The following PPARGC1A variants were observed in gnomAD, a reference collection of about 807,000 sequenced individuals.
The protein encoded by PPARGC1A is PPARG coactivator 1 alpha.
In PPARGC1A, 25 loss-of-function variants were observed where a neutral mutation model predicts 88.7. The ratio of observed to expected loss-of-function variants is 0.28; its 90% CI spans 0.21 to 0.39. The LOEUF (loss-of-function observed/expected upper bound fraction) is 0.39. Ranked by LOEUF, PPARGC1A falls within the 10% of genes least tolerant of loss-of-function variation. The pLI is 1.00. For missense variants in PPARGC1A, 880 were observed against 968.7 expected, an observed-to-expected ratio of 0.91 and a Z score of 1.22; for synonymous variants, 363 against 355.6, an observed-to-expected ratio of 1.02 and a Z score of -0.24.
At chr4:24,046,303 A>G in the PPARGC1A span, among the ~76,000 whole-genome samples, 1 of 152,134 alleles carries the variant, frequency 6.6e-6, no homozygotes, top group Non-Finnish European at 1.5e-5. Flanking sequence ...CTCTTAGGAA[A>G]TAATAGTCAG....
chr4:24,140,441 G>A, the PPARGC1A span, among the ~76,000 whole-genome samples: 3 of 152,074 alleles, frequency 2.0e-5, no homozygotes, highest in South Asian at 2.1e-4. Context: ...TTTTGTGACC[G>A]GGTCATTGGA....
At chr4:24,149,366 T>TA in the PPARGC1A span, among the ~76,000 whole-genome samples, 1 of 152,070 alleles carries the variant, frequency 6.6e-6, no homozygotes, top group Non-Finnish European at 1.5e-5. Flanking sequence ...TGGGAAATTT[T>TA]AAAAAGATTT....
At chr4:24,150,966 G>A in the PPARGC1A span, among the ~76,000 whole-genome samples, 1 of 152,116 alleles carries the variant, frequency 6.6e-6, no homozygotes, top group African/African-American at 2.4e-5. Flanking sequence ...TGCCTATGCT[G>A]TTCCAATTGC....
chr4:23,994,277 C>T, the PPARGC1A span, among the ~76,000 whole-genome samples: 1 of 152,106 alleles, frequency 6.6e-6, no homozygotes, highest in African/African-American at 2.4e-5. Context: ...TGTTCTGAAG[C>T]TCTAGGAGCC....
chr4:24,339,214 A>C, the PPARGC1A span, among the ~76,000 whole-genome samples: 2 of 44,782 alleles, frequency 4.5e-5, no homozygotes, highest in African/African-American at 1.2e-4. Flanking sequence ...GTGTGTGTGT[A>C]TATATATATA....
chr4:24,231,572 C>T, the PPARGC1A span, among the ~76,000 whole-genome samples: 1 of 152,126 alleles, frequency 6.6e-6, no homozygotes. Context: ...CAAAGGTTTC[C>T]GGAAGGGCAA....
At chr4:24,311,564 C>T in the PPARGC1A span, among the ~76,000 whole-genome samples, 2 of 151,746 alleles carry the variant, frequency 1.3e-5, no homozygotes, top group African/African-American at 4.8e-5. Context: ...GGCTTGGACC[C>T]GGGAGACAGA....
the PPARGC1A span, among the ~76,000 whole-genome samples, chr4:24,455,368 A>C: frequency 1.3e-5 from 2 of 152,198 alleles, no homozygotes; most frequent in African/African-American, 4.8e-5. Context: ...GCAGTCCTAG[A>C]TATTCGAGAG....
At chr4:23,911,133 T>C in the PPARGC1A span, among the ~76,000 whole-genome samples, 1 of 152,072 alleles carries the variant, frequency 6.6e-6, no homozygotes, top group Admixed American at 6.5e-5. Context: ...CTACAGGACA[T>C]AGTGAAATGC....
At chr4:24,177,161 T>G in the PPARGC1A span, among the ~76,000 whole-genome samples, 35 of 152,266 alleles carry the variant, frequency 2.3e-4, no homozygotes, top group Non-Finnish European at 4.4e-5. Flanking sequence ...TAAAGACACA[T>G]GCACACATAT....
chr4:24,444,771 A>G, the PPARGC1A span, among the ~76,000 whole-genome samples: 1 of 152,142 alleles, frequency 6.6e-6, no homozygotes, highest in Non-Finnish European at 1.5e-5. Context: ...AAGAACAAAG[A>G]GACAAAAGCC....
the PPARGC1A span, among the ~76,000 whole-genome samples, chr4:24,443,856 C>T: frequency 2.0e-5 from 3 of 151,806 alleles, no homozygotes; most frequent in Non-Finnish European, 4.4e-5. Context: ...GCCTGGCCCC[C>T]ACCAGAGGGC....
At chr4:23,980,206 A>AAAT in the PPARGC1A span, among the ~76,000 whole-genome samples, 1 of 151,700 alleles carries the variant, frequency 6.6e-6, no homozygotes, top group African/African-American at 2.4e-5. Context: ...AAAAAAAAAA[A>AAAT]AAATGGAGGA....
At chr4:24,387,892 AAGAAAAAGAAAG>A in the PPARGC1A span, among the ~76,000 whole-genome samples, 3 of 117,320 alleles carry the variant, frequency 2.6e-5, no homozygotes, top group Middle Eastern at 7.6e-3. Flanking sequence ...GAAAGAAAGA[AAGAAAAAGAAAG>A]AGAAAGAAAG....
chr4:24,135,036 C>T, the PPARGC1A span, among the ~76,000 whole-genome samples: 1 of 152,278 alleles, frequency 6.6e-6, no homozygotes, highest in South Asian at 2.1e-4. Flanking sequence ...CTCCTGTGGC[C>T]CCTTCGCTAC....
At chr4:24,261,503 C>G in the PPARGC1A span, among the ~76,000 whole-genome samples, 1 of 152,212 alleles carries the variant, frequency 6.6e-6, no homozygotes, top group African/African-American at 2.4e-5. Context: ...CCCCTGCAGG[C>G]AGACTACCTG....
At chr4:24,386,949 AAG>A in the PPARGC1A span, among the ~76,000 whole-genome samples, 1 of 152,194 alleles carries the variant, frequency 6.6e-6, no homozygotes, top group South Asian at 2.1e-4. Flanking sequence ...CCTAAGCAAA[AAG>A]AACAAAGCTG....
At chr4:24,009,150 A>AAAAAAAAGAGAG in the PPARGC1A span, among the ~76,000 whole-genome samples, 73 of 79,786 alleles carry the variant, frequency 9.1e-4, no homozygotes, top group South Asian at 2.6e-3. Context: ...AAAAAAAAAA[A>AAAAAAAAGAGAG]AGAGAGAGAA....
At chr4:24,216,142 C>CTTTTTTT in the PPARGC1A span, among the ~76,000 whole-genome samples, 1 of 83,222 alleles carries the variant, frequency 1.2e-5, no homozygotes, top group East Asian at 3.7e-4. Context: ...GCAGCTAACT[C>CTTTTTTT]TTTTTTTTTT....
Sources: allele counts gnomAD v4.1 joint callset (sites outside exome capture counted in the v4.1 genomes callset), GRCh38; gene constraint gnomAD v4.1.1; transcripts MANE v1.5; gene names NCBI Gene and HGNC (gene_info 2026-07-23, HGNC 2026-07-21).